The following TET2 variants were observed in gnomAD, a reference collection of about 807,000 sequenced individuals.
TET2 encodes the protein methylcytosine dioxygenase TET2.
TET2 carries 299 observed loss-of-function variants against 142.9 expected under a neutral mutation model. The ratio of observed to expected loss-of-function variants is 2.09; its 90% CI spans 1.90 to 2.30. The LOEUF (loss-of-function observed/expected upper bound fraction) is 2.30. TET2 is among the 30% of genes most tolerant of loss of function. TET2 has a pLI of 0.00. For missense variants in TET2, 2,418 were observed against 2,378.0 expected (o/e 1.02, Z -0.35); for synonymous variants, 819 against 849.0 (o/e 0.96, Z 0.61).
At chr4:105,168,119 C>G (rs1307612739) in intron 1 of TET2, among the ~76,000 whole-genome samples, 2 of 152,120 alleles carry the variant, frequency 1.3e-5, no homozygotes, top group African/African-American at 2.4e-5. Context: ...CTTTGCTCCC[C>G]CTTCTTACCT....
intron 1 of TET2, among the ~76,000 whole-genome samples, chr4:105,173,085 A>C (rs1374713673): frequency 6.6e-6 from 1 of 152,186 alleles, no homozygotes; most frequent in African/African-American, 2.4e-5. Flanking sequence ...CCTCTCAACA[A>C]TATAAATTTT....
chr4:105,214,998 G>A (rs920349728), intron 2 of TET2, among the ~76,000 whole-genome samples: 11 of 152,120 alleles, frequency 7.2e-5, no homozygotes, highest in African/African-American at 2.4e-4. Context: ...TCTGTGGCAG[G>A]AGCATCTTGG....
At chr4:105,187,257 T>C (rs559021048) in intron 1 of TET2, among the ~76,000 whole-genome samples, 14 of 152,328 alleles carry the variant, frequency 9.2e-5, no homozygotes, top group African/African-American at 3.1e-4. Context: ...TTAAGTTTTG[T>C]TTTACTATTT....
At chr4:105,243,865 C>A in intron 6 of TET2, 87 bp downstream of exon 6, 1 of 1,228,292 alleles carries the variant, frequency 8.1e-7, no homozygotes. Flanking sequence ...GTTCAGCGTG[C>A]ACTTTTACAT....
intron 6 of TET2, among the ~76,000 whole-genome samples, chr4:105,250,632 T>G (rs1729826243): frequency 6.6e-6 from 1 of 152,106 alleles, no homozygotes; most frequent in South Asian, 2.1e-4. Flanking sequence ...CACAGGCTAT[T>G]TTTCCATTTA....
At chr4:105,260,496 T>C (rs1418772925) in intron 7 of TET2, among the ~76,000 whole-genome samples, 1 of 152,030 alleles carries the variant, frequency 6.6e-6, no homozygotes. Context: ...GGTCAGGGAC[T>C]GTCTCCGTAC....
At chr4:105,153,454 T>C (rs918323206) in intron 1 of TET2, among the ~76,000 whole-genome samples, 14 of 152,248 alleles carry the variant, frequency 9.2e-5, no homozygotes, top group African/African-American at 3.4e-4. Flanking sequence ...TATTAAAATG[T>C]GTGTCAGAAT....
At chr4:105,194,943 T>A (rs148613487) in intron 2 of TET2, among the ~76,000 whole-genome samples, 1 of 152,160 alleles carries the variant, frequency 6.6e-6, no homozygotes, top group East Asian at 1.9e-4. Context: ...AGGCCCAGAG[T>A]GGTATCAGTA....
At chr4:105,175,592 A>G (rs189464387) in intron 1 of TET2, among the ~76,000 whole-genome samples, 1 of 152,252 alleles carries the variant, frequency 6.6e-6, no homozygotes. Context: ...GAGAACTACA[A>G]AAGGTATAAT....
chr4:105,216,338 G>T (rs997910299), intron 2 of TET2, among the ~76,000 whole-genome samples: 3 of 152,052 alleles, frequency 2.0e-5, no homozygotes, highest in Non-Finnish European at 4.4e-5. Flanking sequence ...GTTCTTTCAT[G>T]GAATTGTTGG....
intron 2 of TET2, among the ~76,000 whole-genome samples, chr4:105,198,758 C>G (rs1163954564): frequency 6.6e-6 from 1 of 152,134 alleles, no homozygotes; most frequent in Non-Finnish European, 1.5e-5. Context: ...AGTCTAGCAC[C>G]TAATTGGATA....
In TET2 at chr4:105,279,072, G is replaced by C. The variant is rs1731345072; in HGVS notation, c.*2553G>C. 1 of 232,606 alleles carries C rather than the reference G, an allele frequency of 4.3e-6. No homozygotes were observed. The allele number at this position is 232,606 out of a possible 1,614,324, so 14.4% of individuals were successfully genotyped here. A position where few individuals can be genotyped will look rare whatever the true frequency, so the allele number is the denominator to read the frequency against. On this transcript the variant is annotated 3_prime_UTR_variant, in exon 11 of 11. Coordinates refer to ENST00000380013, the MANE Select transcript of TET2 (RefSeq NM_001127208.3). ...TCTTTTTAAAAAATTTCTTGAATTTGTGGTTGTGTCCAATTTGCAAACATT... is the reference window on the plus strand; with the variant it reads ...TCTTTTTAAAAAATTTCTTGAATTTCTGGTTGTGTCCAATTTGCAAACATT...
At position 105,192,668 on chromosome 4, in the gene TET2, A is replaced by G. The variant is rs189369647; in HGVS notation, c.-47+2163A>G. 3.5e-4 allele frequency among the ~76,000 whole-genome samples: 54 copies of G among 152,340 alleles called. No individual in the cohort carries two copies. The South Asian group carries it at 6.0e-3, about 17-fold the overall frequency. On this transcript the variant is annotated intron_variant, in intron 2 of 10. Coordinates refer to ENST00000380013, the MANE Select transcript of TET2 (RefSeq NM_001127208.3). ...AATACCAGGCACTCTTCTAGGAACTAGAGTGGCATTAATGAGTAAGAGGCA... is the reference window on the plus strand; with the variant it reads ...AATACCAGGCACTCTTCTAGGAACTGGAGTGGCATTAATGAGTAAGAGGCA...
In TET2 at chr4:105,275,449, G is replaced by C. The variant is rs1402182437; in HGVS notation, c.4939G>C (p.Gly1647Arg). ...AGTGGACAACTGCTCCCCATATCTG[G>C]GTTCCTATTCTCCCCAGTCTCAGCC... ...LSVDNCSPYL[G>R]SYSPQSQPMD... The change falls in exon 11 of 11, where the codon GGT (glycine) becomes CGT (arginine). Residue 1647 changes from glycine (G) to arginine (R), a missense_variant. Coordinates refer to ENST00000380013, the MANE Select transcript of TET2 (RefSeq NM_001127208.3). 6.4e-7 allele frequency: 1 copy of C among 1,551,548 alleles called. No individual in the cohort carries two copies. The highest frequency in any genetic ancestry group is 1.2e-5 in the South Asian group (1 of 84,060).
At chr4:105,148,921 A>G (rs1481853220) in intron 1 of TET2, among the ~76,000 whole-genome samples, 1 of 152,092 alleles carries the variant, frequency 6.6e-6, no homozygotes, top group Non-Finnish European at 1.5e-5. Flanking sequence ...TTCTATTTTG[A>G]TCTTTGTTAA....
chr4:105,250,806 C>G (rs1729836167), intron 6 of TET2, among the ~76,000 whole-genome samples: 1 of 151,998 alleles, frequency 6.6e-6, no homozygotes, highest in South Asian at 2.1e-4. Context: ...ATTCTCCTGC[C>G]TCAGCTGGAA....
At chr4:105,223,448 CAA>C (rs963793829) in intron 2 of TET2, among the ~76,000 whole-genome samples, 1 of 152,010 alleles carries the variant, frequency 6.6e-6, no homozygotes, top group African/African-American at 2.4e-5. Context: ...TTCTTTACCT[CAA>C]GAGTGAGACT....
chr4:105,270,789 A>G (rs937781211), intron 9 of TET2, among the ~76,000 whole-genome samples: 12 of 152,152 alleles, frequency 7.9e-5, no homozygotes, highest in African/African-American at 2.9e-4. Flanking sequence ...TCTGTTGAAA[A>G]AACTATGAAT....
chr4:105,278,171 C>CATAT lies in TET2; in HGVS notation c.*1681_*1684dup, dbSNP rs61328453. ...GTACTGTAAAAAAATTAAATATATA[C>CATAT]ATATATATATATATATATATATATA... On this transcript the variant is annotated 3_prime_UTR_variant, in exon 11 of 11. Transcript: ENST00000380013. 0.079 allele frequency: 9,017 copies of CATAT among 113,706 alleles called. 432 individuals are homozygous for CATAT. Among genetic ancestry groups the CATAT allele is most frequent in the Middle Eastern group, 0.097 (22 of 226 alleles). 7.0% of individuals were successfully genotyped at this position (113,706 alleles called of 1,614,324 possible). A position where few individuals can be genotyped will look rare whatever the true frequency, so the allele number is the denominator to read the frequency against.
Sources: allele counts gnomAD v4.1 joint callset (sites outside exome capture counted in the v4.1 genomes callset), GRCh38; gene constraint gnomAD v4.1.1; transcripts MANE v1.5; gene names NCBI Gene and HGNC (gene_info 2026-07-23, HGNC 2026-07-21).